Variants in ALCAM observed in about 807,000 individuals in gnomAD.
The protein encoded by ALCAM is activated leukocyte cell adhesion molecule.
In ALCAM, 30 loss-of-function variants were observed where a neutral mutation model predicts 70.9. The ratio of observed to expected loss-of-function variants is 0.42; its 90% CI spans 0.32 to 0.57. The LOEUF (loss-of-function observed/expected upper bound fraction) is 0.57, where lower values mean the gene tolerates loss of function less well. Among genes scored for constraint, ALCAM ranks in the 20% least tolerant of loss-of-function variants. The pLI is 0.11. For synonymous variants in ALCAM, 249 were observed against 242.5 expected (o/e 1.03, Z -0.25); for missense variants, 591 against 695.1 (o/e 0.85, Z 1.68).
chr3:105,530,635 T>C (rs906645422), intron 3 of ALCAM, among the ~76,000 whole-genome samples: 5 of 152,046 alleles, frequency 3.3e-5, no homozygotes, highest in Admixed American at 6.6e-5. Flanking sequence ...TTGTGAAAAT[T>C]GTATTTGTGG....
intron 6 of ALCAM, among the ~76,000 whole-genome samples, chr3:105,539,192 G>T (rs1004995961): frequency 6.6e-6 from 1 of 152,026 alleles, no homozygotes; most frequent in African/African-American, 2.4e-5. Flanking sequence ...CATAACAAAT[G>T]GATAGGTTAG....
At chr3:105,522,715 G>T (rs1270474404) in intron 2 of ALCAM, among the ~76,000 whole-genome samples, 1 of 152,184 alleles carries the variant, frequency 6.6e-6, no homozygotes, top group East Asian at 1.9e-4. Context: ...GCTCTGCTAA[G>T]ATTTCCCAGC....
chr3:105,528,822 C>A (rs1939770389), intron 3 of ALCAM, among the ~76,000 whole-genome samples: 1 of 152,124 alleles, frequency 6.6e-6, no homozygotes, highest in Non-Finnish European at 1.5e-5. Context: ...TGTACAAAAA[C>A]CCCCATGACA....
chr3:105,463,416 A>C (rs1937632114), intron 1 of ALCAM, among the ~76,000 whole-genome samples: 1 of 151,510 alleles, frequency 6.6e-6, no homozygotes, highest in Admixed American at 6.6e-5. Flanking sequence ...TCTATAGACT[A>C]AGAAGTCAAA....
chr3:105,527,130 T>A (rs1396051286), intron 3 of ALCAM, among the ~76,000 whole-genome samples: 3 of 152,186 alleles, frequency 2.0e-5, no homozygotes, highest in African/African-American at 4.8e-5. Flanking sequence ...ACTAATCAGC[T>A]TTTTTCTTTT....
chr3:105,428,601 GGTAA>G (rs761898681), intron 1 of ALCAM, among the ~76,000 whole-genome samples: 1 of 151,722 alleles, frequency 6.6e-6, no homozygotes, highest in Non-Finnish European at 1.5e-5. Context: ...CCTGACCTCT[GGTAA>G]GTATTTCAGA....
Position 105,552,497 on chromosome 3 carries a change from G to T in ALCAM, c.1576G>T (p.Ala526Ser). ...AAACAGAGAAAAGGTGAATGACCAG[G>T]CAAAACTAATTGTGGGAATCGTTGT... ...DENREKVNDQ[A>S]KLIVGIVVGL... The change falls in exon 14 of 16, where the codon GCA (alanine) becomes TCA (serine). Residue 526 changes from alanine (A) to serine (S), a missense_variant. By Grantham distance (99) the Ala-to-Ser change is moderately conservative. Around this residue, in one of 2 missense-constraint regions of ALCAM, gnomAD observed 164 missense variants for 244.7 expected, o/e 0.67. Transcript: ENST00000306107. 6.2e-7 allele frequency: 1 copy of T among 1,611,734 alleles called. No individual in the cohort carries two copies. The highest frequency in any genetic ancestry group is 8.5e-7 in the Non-Finnish European group (1 of 1,178,370).
intron 14 of ALCAM, among the ~76,000 whole-genome samples, chr3:105,562,049 T>G (rs1446947797): frequency 6.6e-6 from 1 of 152,172 alleles, no homozygotes; most frequent in Non-Finnish European, 1.5e-5. Context: ...TAGCTCAAAG[T>G]TCCCTCCCTA....
intron 1 of ALCAM, among the ~76,000 whole-genome samples, chr3:105,446,967 A>G (rs1377145254): frequency 6.6e-6 from 1 of 152,130 alleles, no homozygotes; most frequent in Non-Finnish European, 1.5e-5. Flanking sequence ...AATGGTTAAC[A>G]GTATTGTATA....
At chr3:105,536,106 T>C (rs185934317) in intron 6 of ALCAM, among the ~76,000 whole-genome samples, 5 of 151,804 alleles carry the variant, frequency 3.3e-5, no homozygotes, top group African/African-American at 9.6e-5. Flanking sequence ...TTTTTTTTTT[T>C]TGTGTGAGAC....
At chr3:105,444,299 A>G (rs1290708277) in intron 1 of ALCAM, among the ~76,000 whole-genome samples, 1 of 152,158 alleles carries the variant, frequency 6.6e-6, no homozygotes, top group Non-Finnish European at 1.5e-5. Flanking sequence ...GCCTCAGGAA[A>G]CTTACAACCA....
chr3:105,513,515 C>A (rs1939297838), intron 1 of ALCAM, among the ~76,000 whole-genome samples: 1 of 151,878 alleles, frequency 6.6e-6, no homozygotes, highest in Non-Finnish European at 1.5e-5. Context: ...CTCTCACTAC[C>A]CTGTAGCTGT....
At chr3:105,479,140 T>G (rs1236438231) in intron 1 of ALCAM, among the ~76,000 whole-genome samples, 1 of 152,174 alleles carries the variant, frequency 6.6e-6, no homozygotes, top group Non-Finnish European at 1.5e-5. Flanking sequence ...TAAATAAAAT[T>G]CATATTCTAT....
intron 7 of ALCAM, 104 bp from the exon 8 acceptor site, chr3:105,541,529 C>T (rs1940115254): frequency 8.1e-7 from 1 of 1,239,502 alleles, no homozygotes; most frequent in Admixed American, 2.4e-5. Context: ...AAACACATTC[C>T]CTTTTTTATC....
At chr3:105,541,213 T>C (rs149397767) in intron 7 of ALCAM, among the ~76,000 whole-genome samples, 59 of 151,942 alleles carry the variant, frequency 3.9e-4, no homozygotes, top group African/African-American at 1.4e-3. Context: ...TTCTTCCTTT[T>C]TACTTTCCTT....
intron 1 of ALCAM, among the ~76,000 whole-genome samples, chr3:105,442,446 G>GA (rs962450123): frequency 1.3e-5 from 2 of 152,100 alleles, no homozygotes; most frequent in South Asian, 2.1e-4. Context: ...ATATTTGAGA[G>GA]AAAAAAAGAT....
chr3:105,517,790 C>G (rs990548429), intron 1 of ALCAM, among the ~76,000 whole-genome samples: 6 of 152,060 alleles, frequency 3.9e-5, no homozygotes, highest in Non-Finnish European at 8.8e-5. Context: ...TGAGAATTCT[C>G]AAAATTCCAG....
At chr3:105,545,945 G>T (rs770152315) in intron 9 of ALCAM, among the ~76,000 whole-genome samples, 10 of 151,538 alleles carry the variant, frequency 6.6e-5, no homozygotes, top group Non-Finnish European at 1.2e-4. Flanking sequence ...CTGAGCTATA[G>T]TAGAATACCT....
At chr3:105,487,237 A>G (rs973962029) in intron 1 of ALCAM, among the ~76,000 whole-genome samples, 3 of 152,094 alleles carry the variant, frequency 2.0e-5, no homozygotes, top group Non-Finnish European at 4.4e-5. Context: ...TCCCATCTAC[A>G]TCCATCTCCC....
Sources: allele counts gnomAD v4.1 joint callset (sites outside exome capture counted in the v4.1 genomes callset), GRCh38; gene constraint gnomAD v4.1.1; regional missense constraint gnomAD v4.1.1; transcripts MANE v1.5; gene names NCBI Gene and HGNC (gene_info 2026-07-23, HGNC 2026-07-21).